Variants in SORCS3 observed in about 807,000 individuals in gnomAD.
SORCS3 encodes sortilin related VPS10 domain containing receptor 3.
A neutral mutation model predicts 146.3 loss-of-function variants in SORCS3; 57 were observed. That is an observed-to-expected ratio of 0.39 (90% CI 0.31 to 0.49). The LOEUF (loss-of-function observed/expected upper bound fraction) is 0.49, where lower values mean the gene tolerates loss of function less well. SORCS3 is among the 20% of genes least tolerant of loss of function. SORCS3 has a pLI of 0.92. For synonymous variants in SORCS3, 653 were observed against 618.5 expected (o/e 1.06, Z -0.83); for missense variants, 1,341 against 1,575.5 (o/e 0.85, Z 2.52).
intron 2 of SORCS3, among the ~76,000 whole-genome samples, chr10:104,880,203 T>A (rs1271172255): frequency 1.3e-5 from 2 of 152,194 alleles, no homozygotes; most frequent in Non-Finnish European, 2.9e-5. Context: ...AACCAATGAC[T>A]GAAATAAAAC....
intron 4 of SORCS3, among the ~76,000 whole-genome samples, chr10:105,024,820 A>C (rs2055216773): frequency 6.6e-6 from 1 of 152,204 alleles, no homozygotes; most frequent in Non-Finnish European, 1.5e-5. Flanking sequence ...TCTGGGTTTG[A>C]AGCTTTCAGA....
intron 5 of SORCS3, among the ~76,000 whole-genome samples, chr10:105,079,646 G>T (rs1462968730): frequency 6.6e-6 from 1 of 152,066 alleles, no homozygotes; most frequent in Non-Finnish European, 1.5e-5. Context: ...ATGGGGGTTT[G>T]ATGTACAGAT....
Position 104,641,355 on chromosome 10 carries a change from G to T in SORCS3, c.28G>T (p.Ala10Ser), listed in dbSNP as rs2015411296. The change falls in exon 1 of 27, where the codon GCA (alanine) becomes TCA (serine). Residue 10 changes from alanine (A) to serine (S), a missense_variant. Coordinates refer to ENST00000369701, the MANE Select transcript of SORCS3 (RefSeq NM_014978.3). This position sits in a 1 kb window ranked among gnomAD's most constrained non-coding sequence, Gnocchi z 6.4. ...GGAGGCGGCGCGCACGGAGCGCCCCGCAGGCAGGCCGGGGGCGCCGCTTGT... is the reference window on the plus strand; with the variant it reads ...GGAGGCGGCGCGCACGGAGCGCCCCTCAGGCAGGCCGGGGGCGCCGCTTGT... MEAARTERP[A>S]GRPGAPLVRT... is the part of the protein sequence containing the mutation. The T allele has an allele frequency of 3.6e-6, 5 of 1,382,500 alleles. No individual in the cohort carries two copies. The East Asian group carries it at 9.4e-5, about 26-fold the overall frequency. The allele number at this position is 1,382,500 out of a possible 1,614,324, so 85.6% of individuals were successfully genotyped here.
chr10:105,097,534 C>T (rs770941071), intron 6 of SORCS3, among the ~76,000 whole-genome samples: 20 of 152,318 alleles, frequency 1.3e-4, no homozygotes, highest in Admixed American at 1.3e-4. Context: ...AACTCGATGA[C>T]ATAAAAGTTG....
rs150036158 is a variant in SORCS3 at position 104,779,460 on chromosome 10, G to A, written c.628-63332G>A. Among the ~76,000 whole-genome samples, 538 of 152,262 alleles carry A rather than the reference G, an allele frequency of 3.5e-3. 2 individuals carry two copies. Among genetic ancestry groups the A allele is most frequent in the Non-Finnish European group, 6.4e-3 (438 of 68,024 alleles). On this transcript the variant is annotated intron_variant, in intron 1 of 26. Coordinates refer to ENST00000369701, the MANE Select transcript of SORCS3 (RefSeq NM_014978.3). ...AAAAGGCCAGGGAATTTGCAGCAAG[G>A]AACAAATGAAAATATACGAGAGAAA...
chr10:105,207,841 C>T lies in SORCS3; in HGVS notation c.2262-3296C>T, dbSNP rs140890849. ...CAGAGCTGAACAGAACTGCTAAACA[C>T]GGTTATATTTAGCAAAGACCATTAA... On this transcript the variant is annotated intron_variant, in intron 16 of 26. Transcript: ENST00000369701. Among the ~76,000 whole-genome samples, 896 of 152,176 alleles carry T rather than the reference C, an allele frequency of 5.9e-3. 10 individuals are homozygous for T. The highest frequency in any genetic ancestry group is 0.027 in the Middle Eastern group (8 of 294).
At chr10:104,927,254 T>C (rs2019157905) in intron 3 of SORCS3, among the ~76,000 whole-genome samples, 1 of 152,206 alleles carries the variant, frequency 6.6e-6, no homozygotes, top group Admixed American at 6.5e-5. Flanking sequence ...TTAGGGAAGC[T>C]TGTATTCCTG....
chr10:105,154,631 T>C (rs532788624), intron 9 of SORCS3, among the ~76,000 whole-genome samples: 5 of 152,358 alleles, frequency 3.3e-5, no homozygotes, highest in Admixed American at 3.3e-4. Context: ...GTTAATTCAA[T>C]GCTTTGTAGC....
chr10:104,964,534 G>T (rs190455045), intron 3 of SORCS3, among the ~76,000 whole-genome samples: 1 of 152,220 alleles, frequency 6.6e-6, no homozygotes, highest in East Asian at 1.9e-4. Flanking sequence ...TTTTCATTCT[G>T]ATTTGATTAC....
chr10:105,084,869 T>TACAGGCGCC (rs2055649263), intron 5 of SORCS3, among the ~76,000 whole-genome samples: 1 of 151,964 alleles, frequency 6.6e-6, no homozygotes, highest in Non-Finnish European at 1.5e-5. Context: ...TAGCTGGGAC[T>TACAGGCGCC]ACAGGCGCCC....
At chr10:104,693,979 C>A (rs571829576) in intron 1 of SORCS3, among the ~76,000 whole-genome samples, 11 of 151,912 alleles carry the variant, frequency 7.2e-5, no homozygotes, top group African/African-American at 2.4e-4. Flanking sequence ...GAAACCAAAC[C>A]TCTCTTCAGC....
intron 7 of SORCS3, among the ~76,000 whole-genome samples, chr10:105,106,069 G>T (rs966336353): frequency 2.0e-5 from 3 of 151,988 alleles, no homozygotes; most frequent in Non-Finnish European, 4.4e-5. Flanking sequence ...TTACATTTTC[G>T]GTCTTCTTAT....
chr10:104,680,476 C>T (rs2015957963), intron 1 of SORCS3, among the ~76,000 whole-genome samples: 1 of 152,236 alleles, frequency 6.6e-6, no homozygotes, highest in Non-Finnish European at 1.5e-5. Flanking sequence ...CCTGGAGAGG[C>T]TGTCCCCCGT....
intron 2 of SORCS3, among the ~76,000 whole-genome samples, chr10:104,891,588 A>T (rs1270780330): frequency 3.3e-5 from 5 of 152,072 alleles, no homozygotes; most frequent in Admixed American, 2.0e-4. Flanking sequence ...TCTCTTAGGG[A>T]TGCTTCTCCT....
At chr10:104,961,977 G>A (rs1047471742) in intron 3 of SORCS3, among the ~76,000 whole-genome samples, 9 of 152,086 alleles carry the variant, frequency 5.9e-5, no homozygotes, top group Admixed American at 5.9e-4. Flanking sequence ...AGGTGGCAAA[G>A]TGAGGTAAAT....
At chr10:104,913,584 G>A (rs1295229340) in intron 2 of SORCS3, among the ~76,000 whole-genome samples, 1 of 152,160 alleles carries the variant, frequency 6.6e-6, no homozygotes, top group East Asian at 1.9e-4. Context: ...GAAACGTGCT[G>A]AGTGTGCATA....
intron 5 of SORCS3, among the ~76,000 whole-genome samples, chr10:105,065,305 T>C (rs1304367818): frequency 6.6e-6 from 1 of 152,168 alleles, no homozygotes; most frequent in Admixed American, 6.5e-5. Flanking sequence ...CACAAACTGC[T>C]ACTAGTCTAT....
At chr10:104,855,496 A>G (rs1156834517) in intron 2 of SORCS3, among the ~76,000 whole-genome samples, 1 of 152,218 alleles carries the variant, frequency 6.6e-6, no homozygotes, top group Non-Finnish European at 1.5e-5. Flanking sequence ...TTTCATCAGC[A>G]TTTTATAGTT....
chr10:105,158,913 C>T lies in SORCS3; in HGVS notation c.1651C>T (p.His551Tyr), dbSNP rs2056236844. 2.5e-5 allele frequency: 40 copies of T among 1,612,688 alleles called. No homozygotes were observed. Among genetic ancestry groups the T allele is most frequent in the Non-Finnish European group, 3.2e-5 (38 of 1,179,036 alleles). ...TTAGCCCTTCTGTTCCTTACATCTGCACCTGCAACTCTCTGAAAATCCATA... is the reference window on the plus strand; with the variant it reads ...TTAGCCCTTCTGTTCCTTACATCTGTACCTGCAACTCTCTGAAAATCCATA... ...CLLPFCSLHLHLQLSENPYSS... is the reference protein window; with the variant it reads ...CLLPFCSLHLYLQLSENPYSS... Residue 551 changes from histidine to tyrosine, a missense_variant, in exon 11 of 27, where the codon CAC (histidine) becomes TAC (tyrosine). By Grantham distance (83) the His-to-Tyr change is moderately conservative (BLOSUM62 2). Transcript: ENST00000369701.
Sources: allele counts gnomAD v4.1 joint callset (sites outside exome capture counted in the v4.1 genomes callset), GRCh38; gene constraint gnomAD v4.1.1; non-coding constraint Gnocchi (gnomAD v3.1); transcripts MANE v1.5; gene names NCBI Gene and HGNC (gene_info 2026-07-23, HGNC 2026-07-21).